Variants in PDZD4 observed in about 807,000 individuals in gnomAD.
The protein encoded by PDZD4 is PDZ domain containing 4.
PDZD4 carries 9 observed loss-of-function variants against 38.5 expected under a neutral mutation model. The observed-to-expected ratio is 0.23, with a 90% confidence interval of 0.14 to 0.41. The LOEUF (loss-of-function observed/expected upper bound fraction) is 0.41. Ranked by LOEUF, PDZD4 falls within the 10% of genes least tolerant of loss-of-function variation. The probability of loss-of-function intolerance (pLI) is 1.00; values close to 1 mark genes in which losing one functional copy is unlikely to be tolerated. For synonymous variants in PDZD4, 349 were observed against 315.7 expected (o/e 1.11, Z -1.12); for missense variants, 612 against 722.0 (o/e 0.85, Z 1.75).
intron 1 of PDZD4, among the ~76,000 whole-genome samples, chrX:153,814,346 C>T (rs1457319291): frequency 4.5e-5 from 5 of 110,717 alleles, no homozygotes; most frequent in African/African-American, 9.9e-5. Flanking sequence ...TGGTGGTGCA[C>T]GCCTGTAATC....
chrX:153,804,641 A>G lies in PDZD4; in HGVS notation c.1040T>C (p.Leu347Pro). ...MDSLLAEGAG[L>P]GGGDVPGLTD... ...GAGGCCCGGGACGTCGCCCCCTCCC[A>G]GCCCCGCCCCCTCGGCCAGCAGAGA... The change falls in exon 8 of 8, where the codon CTG (leucine) becomes CCG (proline). Residue 347 changes from leucine (L) to proline (P), a missense_variant. Physicochemically the swap from Leu to Pro is moderately conservative, Grantham distance 98. Coordinates refer to ENST00000393758, the MANE Select transcript of PDZD4 (RefSeq NM_001303512.2). The G allele has an allele frequency of 1.3e-6, 1 of 747,120 alleles. No individual in the cohort carries two copies. The highest frequency in any genetic ancestry group is 1.9e-6 in the Non-Finnish European group (1 of 517,440). 61.6% of individuals were successfully genotyped at this position (747,120 alleles called of 1,213,427 possible).
At chrX:153,829,794 G>A (rs191737854) in intron 1 of PDZD4, 11,296 of 756,185 alleles carry the variant, frequency 0.015, 73 homozygotes, top group Non-Finnish European at 0.016. Flanking sequence ...GTGGGTGTCG[G>A]GGTGGGCACC....
intron 1 of PDZD4, among the ~76,000 whole-genome samples, chrX:153,822,780 G>T (rs2064440050): frequency 9.0e-6 from 1 of 110,852 alleles, no homozygotes; most frequent in African/African-American, 3.3e-5. Flanking sequence ...CTGGGTTCAA[G>T]CAATCCTCCC....
intron 1 of PDZD4, among the ~76,000 whole-genome samples, chrX:153,809,967 T>C (rs1557078418): frequency 8.9e-6 from 1 of 112,676 alleles, no homozygotes; most frequent in African/African-American, 3.2e-5. Flanking sequence ...GCCCACAAGG[T>C]CGAAGGCTGC....
rs1161368501 is a variant in PDZD4, at chrX:153,803,159, A to T, written c.*194T>A. 12 of 315,336 alleles carry T rather than the reference A, an allele frequency of 3.8e-5. No homozygotes were observed. Among genetic ancestry groups the T allele is most frequent in the South Asian group, 1.8e-4 (1 of 5,442 alleles). 26.0% of individuals were successfully genotyped at this position (315,336 alleles called of 1,213,427 possible). ...GTCACTTTACTTGGGCAGAAGGAAG[A>T]AAAGCGTCCCTTCTCCTCAGGGGCT... On this transcript the variant is annotated 3_prime_UTR_variant, in exon 8 of 8. Transcript: ENST00000393758.
At chrX:153,812,413 G>A (rs985874993) in intron 1 of PDZD4, among the ~76,000 whole-genome samples, 1 of 109,612 alleles carries the variant, frequency 9.1e-6, no homozygotes, top group Non-Finnish European at 1.9e-5. Context: ...TTTCTACCCG[G>A]AATCATTACC....
At chrX:153,805,012 A>T in intron 7 of PDZD4, 85 bp downstream of exon 7, 2 of 1,118,922 alleles carry the variant, frequency 1.8e-6, no homozygotes, top group Non-Finnish European at 2.4e-6. Flanking sequence ...CCTGCCAAGC[A>T]TTGGGAGACC....
At chrX:153,811,829 C>T (rs1490292505) in intron 1 of PDZD4, among the ~76,000 whole-genome samples, 2 of 111,613 alleles carry the variant, frequency 1.8e-5, no homozygotes, top group Non-Finnish European at 3.8e-5. Context: ...AGAGGGTGGG[C>T]GGCAGCAGAG....
At chrX:153,809,338 G>C (rs1021381983) in intron 1 of PDZD4, among the ~76,000 whole-genome samples, 2 of 112,866 alleles carry the variant, frequency 1.8e-5, no homozygotes, top group African/African-American at 6.4e-5. Context: ...TGTAATCCCA[G>C]CACTTTGGGA....
At chrX:153,813,048 C>G (rs1293502302) in intron 1 of PDZD4, among the ~76,000 whole-genome samples, 2 of 109,958 alleles carry the variant, frequency 1.8e-5, no homozygotes, top group Non-Finnish European at 3.8e-5. Flanking sequence ...AAGCCCTGGC[C>G]AAGCAATTCC....
chrX:153,809,368 C>T (rs1229891891), intron 1 of PDZD4, among the ~76,000 whole-genome samples: 1 of 112,474 alleles, frequency 8.9e-6, no homozygotes, highest in Non-Finnish European at 1.9e-5. Flanking sequence ...GGGCAGATCA[C>T]GAGGTCAGGA....
chrX:153,804,299 T>G lies in PDZD4; in HGVS notation c.1382A>C (p.Asp461Ala), dbSNP rs1557075968. The G allele has an allele frequency of 8.3e-7, 1 of 1,207,864 alleles. No individual in the cohort carries two copies. Among genetic ancestry groups the G allele is most frequent in the Admixed American group, 2.2e-5 (1 of 46,128 alleles). Reference sequence around the variant, plus strand: ...CGACTTCTCGGGCAGCTCGGAGATGTCGGACAGCTCGTGCTTCTTGGGCTC... The same window carrying G: ...CGACTTCTCGGGCAGCTCGGAGATGGCGGACAGCTCGTGCTTCTTGGGCTC... ...ASEPKKHELSDISELPEKSDK... is the reference protein window; with the variant it reads ...ASEPKKHELSAISELPEKSDK... The change falls in exon 8 of 8, where the codon GAC (aspartate) becomes GCC (alanine). Residue 461 changes from aspartate to alanine, a missense_variant. Asp to Ala is a moderately radical substitution (Grantham distance 126). This residue lies in a region of PDZD4 where 300 missense variants were observed against 284.6 expected (regional missense o/e 1.05). Coordinates refer to ENST00000393758, the MANE Select transcript of PDZD4 (RefSeq NM_001303512.2).
chrX:153,823,083 G>A lies in PDZD4; in HGVS notation c.60+7156C>T, dbSNP rs112544904. On this transcript the variant is annotated intron_variant, in intron 1 of 7. Transcript: ENST00000393758. ...TTAATTAATTTATTTATTTGAGACAGGGTCTCGTTCTGTCACCTAGGCTGG... is the reference window on the plus strand; with the variant it reads ...TTAATTAATTTATTTATTTGAGACAAGGTCTCGTTCTGTCACCTAGGCTGG... 9.2e-3 allele frequency among the ~76,000 whole-genome samples: 1,014 copies of A among 109,886 alleles called. 17 individuals are homozygous for A. The highest frequency in any genetic ancestry group is 0.032 in the African/African-American group (969 of 30,166).
At chrX:153,815,393 T>C (rs2064350869) in intron 1 of PDZD4, among the ~76,000 whole-genome samples, 1 of 111,723 alleles carries the variant, frequency 9.0e-6, no homozygotes, top group Non-Finnish European at 1.9e-5. Flanking sequence ...CAGTTCCTCC[T>C]CCCAGCCGAC....
intron 1 of PDZD4, among the ~76,000 whole-genome samples, chrX:153,817,063 A>G (rs1261798362): frequency 9.0e-6 from 1 of 111,282 alleles, no homozygotes; most frequent in Non-Finnish European, 1.9e-5. Flanking sequence ...ACCGCCGCAC[A>G]CCACGAGGAG....
chrX:153,805,557 C>G lies in PDZD4; in HGVS notation c.617G>C (p.Ser206Thr). 8.3e-7 allele frequency: 1 copy of G among 1,211,041 alleles called. No individual in the cohort carries two copies. The highest frequency in any genetic ancestry group is 2.2e-5 in the Admixed American group (1 of 46,115). ...GGAGATGTTGGTGTTCTCTTCCTGG[C>G]TCAGGATGGCCACCGCCTCTTCCCG... is the stretch of plus-strand genomic sequence containing the variant. The part of the protein sequence containing the change: ...QNREEAVAIL[S>T]QEENTNISLL... Residue 206 changes from serine (S) to threonine (T), a missense_variant, in exon 6 of 8, where the codon AGC becomes ACC. By Grantham distance (58) the Ser-to-Thr change is moderately conservative. Transcript: ENST00000393758.
chrX:153,804,648 C>A lies in PDZD4; in HGVS notation c.1033G>T (p.Ala345Ser), dbSNP rs1468895453. 1 of 1,209,557 alleles carries A rather than the reference C, an allele frequency of 8.3e-7. No homozygotes were observed. The highest frequency in any genetic ancestry group is 2.2e-5 in the Admixed American group (1 of 46,089). The change falls in exon 8 of 8, where the codon GCG becomes TCG. Residue 345 changes from alanine (A) to serine (S), a missense_variant. By Grantham distance (99) the Ala-to-Ser change is moderately conservative. Around this residue, in one of 3 missense-constraint regions of PDZD4, gnomAD observed 300 missense variants for 284.6 expected, o/e 1.05. Coordinates refer to ENST00000393758, the MANE Select transcript of PDZD4 (RefSeq NM_001303512.2). ...GGGACGTCGCCCCCTCCCAGCCCCG[C>A]CCCCTCGGCCAGCAGAGAGTCCATG... is the stretch of plus-strand genomic sequence containing the variant. ...FSMDSLLAEG[A>S]GLGGGDVPGL...
In PDZD4 at chrX:153,803,757, C is replaced by G. The variant is rs781820312; in HGVS notation, c.1924G>C (p.Val642Leu). The change falls in exon 8 of 8, where the codon GTG (valine) becomes CTG (leucine). Residue 642 changes from valine to leucine, a missense_variant. Transcript: ENST00000393758. Reference sequence around the variant, plus strand: ...CGATCTCGCACGGGCCGCTTGGCCACGTAGCGGGTTCCGTCGCTGCGCACC... The same window carrying G: ...CGATCTCGCACGGGCCGCTTGGCCAGGTAGCGGGTTCCGTCGCTGCGCACC... ...VKVRSDGTRY[V>L]AKRPVRDRLL... 5 of 1,209,010 alleles carry G rather than the reference C, an allele frequency of 4.1e-6. No homozygotes were observed. The highest frequency in any genetic ancestry group is 5.6e-6 in the Non-Finnish European group (5 of 895,473).
Position 153,817,444 on chromosome X carries a change from G to A in PDZD4, c.61-8849C>T, listed in dbSNP as rs1557080241. ...TGGTACACCCATCCCGACATAAAAA[G>A]AATGAACGACCGGCACACACGACTG... On this transcript the variant is annotated intron_variant, in intron 1 of 7. Transcript: ENST00000393758. Among the ~76,000 whole-genome samples the A allele has an allele frequency of 2.7e-5, 3 of 111,505 alleles. No homozygotes were observed. In the Admixed American group the frequency reaches 2.9e-4, roughly 11 times the overall value.
Sources: allele counts gnomAD v4.1 joint callset (sites outside exome capture counted in the v4.1 genomes callset), GRCh38; gene constraint gnomAD v4.1.1; regional missense constraint gnomAD v4.1.1; transcripts MANE v1.5; gene names NCBI Gene and HGNC (gene_info 2026-07-23, HGNC 2026-07-21).